LRIG2: variants seen among roughly 807,000 people sequenced by gnomAD.
The protein encoded by LRIG2 is leucine rich repeats and immunoglobulin like domains 2.
Under a neutral mutation model 107.8 loss-of-function variants are expected in LRIG2, and 93 were observed. That is an observed-to-expected ratio of 0.86 (90% confidence interval 0.73 to 1.03). The LOEUF (loss-of-function observed/expected upper bound fraction) is 1.03. Ranked by LOEUF, LRIG2 falls within the 50% of genes least tolerant of loss-of-function variation. The probability of loss-of-function intolerance (pLI) is 0.00; values close to 1 mark genes in which losing one functional copy is unlikely to be tolerated. For synonymous variants in LRIG2, 471 were observed against 470.6 expected (o/e 1.00, Z -0.01); for missense variants, 1,226 against 1,296.0 (o/e 0.95, Z 0.83).
Position 113,129,318 on chromosome 1 carries a change from A to AAAAAC in LRIG2, c.*5221_*5222insCAAAA, listed in dbSNP as rs1350556745. 1 of 151,174 alleles carries AAAAAC rather than the reference A, an allele frequency of 6.6e-6. No homozygotes were observed. Among genetic ancestry groups the AAAAAC allele is most frequent in the Non-Finnish European group, 1.5e-5 (1 of 67,920 alleles). The allele number at this position is 151,174 out of a possible 1,614,324, so 9.4% of individuals were successfully genotyped here. A position where few individuals can be genotyped will look rare whatever the true frequency, so the allele number is the denominator to read the frequency against. Reference sequence around the variant, plus strand: ...GAGTGAGACTCCGTCTCAAAAAAAAAAAAAAAAAAACCCGTGTAGGAGTAC... The same window carrying AAAAAC: ...GAGTGAGACTCCGTCTCAAAAAAAAAAAAACAAAAAAAAAACCCGTGTAGGAGTAC... On this transcript the variant is annotated 3_prime_UTR_variant, in exon 18 of 18. Transcript: ENST00000361127.
In LRIG2 at chr1:113,073,253, C is replaced by G. The variant is rs916477665; in HGVS notation, c.-154C>G. 7.4e-6 allele frequency: 5 copies of G among 675,342 alleles called. No homozygotes were observed. The highest frequency in any genetic ancestry group is 1.0e-5 in the Non-Finnish European group (4 of 385,788). 41.8% of individuals were successfully genotyped at this position (675,342 alleles called of 1,614,324 possible). ...CCAGGCCGTCGACCCCGCTGTCGCG[C>G]TGCGTCTGCTCCTTGCATGCCTTTA... is the stretch of plus-strand genomic sequence containing the variant. On this transcript the variant is annotated 5_prime_UTR_variant, in exon 1 of 18. Coordinates refer to ENST00000361127, the MANE Select transcript of LRIG2 (RefSeq NM_014813.3).
intron 1 of LRIG2, among the ~76,000 whole-genome samples, chr1:113,086,815 C>T (rs1653576678): frequency 6.6e-6 from 1 of 152,178 alleles, no homozygotes; most frequent in Admixed American, 6.6e-5. Flanking sequence ...ACATTGAGAT[C>T]AGGCCCTCTG....
Position 113,126,457 on chromosome 1 carries a change from T to C in LRIG2, c.*2356T>C, listed in dbSNP as rs763411901. 9.2e-5 allele frequency: 14 copies of C among 152,430 alleles called. No homozygotes were observed. The highest frequency in any genetic ancestry group is 1.8e-4 in the Non-Finnish European group (12 of 68,126). The allele number at this position is 152,430 out of a possible 1,614,324, so 9.4% of individuals were successfully genotyped here. ...TGGCCTTGCAAATGTTGACTCAGATTGTGGATTTTCCACTTTCCTCTGTTT... is the reference window on the plus strand; with the variant it reads ...TGGCCTTGCAAATGTTGACTCAGATCGTGGATTTTCCACTTTCCTCTGTTT... On this transcript the variant is annotated 3_prime_UTR_variant, in exon 18 of 18. Transcript: ENST00000361127.
intron 1 of LRIG2, among the ~76,000 whole-genome samples, chr1:113,083,081 G>A (rs780915648): frequency 2.0e-5 from 3 of 151,138 alleles, no homozygotes; most frequent in African/African-American, 4.9e-5. Flanking sequence ...GGCTAATTTT[G>A]TGTAGATTTT....
Position 113,094,465 on chromosome 1 carries a change from G to T in LRIG2, c.642G>T (p.Leu214=), listed in dbSNP as rs1653960627. Residue 214 remains leucine (L), a synonymous_variant, in exon 5 of 18, where the codon CTG becomes CTT. Coordinates refer to ENST00000361127, the MANE Select transcript of LRIG2 (RefSeq NM_014813.3). ...TGATTCCACCTAAGATCTTCAAGCT[G>T]CCTCACCTCCAATTCTTGTGAGTAA... The part of the protein sequence containing the change: ...MSMIPPKIFK[L]PHLQFLELKR... 12 of 1,610,188 alleles carry T rather than the reference G, an allele frequency of 7.5e-6. No homozygotes were observed. The highest frequency in any genetic ancestry group is 1.0e-5 in the Non-Finnish European group (12 of 1,179,242).
intron 11 of LRIG2, among the ~76,000 whole-genome samples, chr1:113,102,372 G>T (rs1393490250): frequency 6.6e-6 from 1 of 151,736 alleles, no homozygotes; most frequent in East Asian, 1.9e-4. Context: ...GGGTTCAAGT[G>T]ATTCTCCTGC....
At chr1:113,088,184 C>A (rs576611929) in intron 1 of LRIG2, among the ~76,000 whole-genome samples, 1 of 152,212 alleles carries the variant, frequency 6.6e-6, no homozygotes, top group South Asian at 2.1e-4. Flanking sequence ...TCCAGAGAGC[C>A]TCATTATATG....
chr1:113,073,884 CTG>C (rs1652830091), intron 1 of LRIG2, among the ~76,000 whole-genome samples: 1 of 150,024 alleles, frequency 6.7e-6, no homozygotes, highest in South Asian at 2.1e-4. Flanking sequence ...GCCAAGGAGT[CTG>C]TGATTTCCTC....
chr1:113,125,769 A>G lies in LRIG2; in HGVS notation c.*1668A>G, dbSNP rs1371180297. The G allele has an allele frequency of 1.3e-5, 2 of 152,186 alleles. No homozygotes were observed. The highest frequency in any genetic ancestry group is 2.9e-5 in the Non-Finnish European group (2 of 68,034). The allele number at this position is 152,186 out of a possible 1,614,324, so 9.4% of individuals were successfully genotyped here. On this transcript the variant is annotated 3_prime_UTR_variant, in exon 18 of 18. Coordinates refer to ENST00000361127, the MANE Select transcript of LRIG2 (RefSeq NM_014813.3). ...TCACTGTCCATATTTGAGTCTGCAA[A>G]TCTTGTCATTGTCTGCTTTAATGCT...
chr1:113,119,810 CTATT>C (rs141140694), intron 17 of LRIG2, among the ~76,000 whole-genome samples: 73 of 152,086 alleles, frequency 4.8e-4, no homozygotes, highest in African/African-American at 1.7e-3. Flanking sequence ...TTCATACAGG[CTATT>C]TATTTATTTA....
chr1:113,122,559 AGAAG>A (rs1049573278), intron 17 of LRIG2, among the ~76,000 whole-genome samples: 14 of 152,386 alleles, frequency 9.2e-5, no homozygotes, highest in African/African-American at 3.1e-4. Flanking sequence ...AAAGGGTTTA[AGAAG>A]GACCAGAAAT....
In LRIG2 at chr1:113,129,328, A is replaced by AAAAAAC. The variant is rs57453736; in HGVS notation, c.*5227_*5228insAAAAAC. ...CCGTCTCAAAAAAAAAAAAAAAAAA[A>AAAAAAC]CCCGTGTAGGAGTACTGCCTCTCTG... On this transcript the variant is annotated 3_prime_UTR_variant, in exon 18 of 18. Coordinates refer to ENST00000361127, the MANE Select transcript of LRIG2 (RefSeq NM_014813.3). 6 of 149,546 alleles carry AAAAAAC rather than the reference A, an allele frequency of 4.0e-5. No homozygotes were observed. The highest frequency in any genetic ancestry group is 1.5e-4 in the African/African-American group (6 of 40,668). 9.3% of individuals were successfully genotyped at this position (149,546 alleles called of 1,614,324 possible).
chr1:113,073,789 C>T (rs1448911384), intron 1 of LRIG2, 144 bp downstream of exon 1: 4 of 782,978 alleles, frequency 5.1e-6, no homozygotes, highest in Non-Finnish European at 8.0e-6. Flanking sequence ...ATTTTATGAA[C>T]TTTGTTTTAG....
chr1:113,123,727 TTGTGTGTGTGTG>T (rs66524955), intron 17 of LRIG2, 136 bp from the exon 18 acceptor site: 2 of 596,546 alleles, frequency 3.4e-6, no homozygotes, highest in Non-Finnish European at 2.9e-6. Context: ...GTGGTGGTTT[TTGTGTGTGTGTG>T]TGTGTGTGTG....
chr1:113,123,723 G>GT (rs139220276), intron 17 of LRIG2, 152 bp from the exon 18 acceptor site: 432 of 550,344 alleles, frequency 7.8e-4, no homozygotes, highest in East Asian at 1.6e-3. Flanking sequence ...TCTGGTGGTG[G>GT]TTTTTGTGTG....
intron 8 of LRIG2, among the ~76,000 whole-genome samples, chr1:113,096,902 A>G (rs1365046330): frequency 1.3e-5 from 2 of 152,170 alleles, no homozygotes; most frequent in African/African-American, 2.4e-5. Flanking sequence ...AGAGAAATTT[A>G]AATAATTTTC....
intron 1 of LRIG2, among the ~76,000 whole-genome samples, chr1:113,081,223 G>A (rs1428503416): frequency 2.0e-5 from 3 of 152,088 alleles, no homozygotes; most frequent in South Asian, 4.1e-4. Flanking sequence ...TCGGAAAAAC[G>A]TATCCACAAG....
Position 113,120,911 on chromosome 1 carries a change from C to T in LRIG2, c.2971+1388C>T, listed in dbSNP as rs543000185. ...TCAACTCACTGCAACCTCTGCCTCC[C>T]AGGTTCAAGCGATTTTCCTGCCTCA... On this transcript the variant is annotated intron_variant, in intron 17 of 17. Coordinates refer to ENST00000361127, the MANE Select transcript of LRIG2 (RefSeq NM_014813.3). Among the ~76,000 whole-genome samples, 5 of 151,720 alleles carry T rather than the reference C, an allele frequency of 3.3e-5. No homozygotes were observed. The South Asian group carries it at 1.0e-3, about 32-fold the overall frequency.
chr1:113,124,341 G>A lies in LRIG2; in HGVS notation c.*240G>A, dbSNP rs1204599351. The A allele has an allele frequency of 2.0e-5, 11 of 547,892 alleles. No homozygotes were observed. The highest frequency in any genetic ancestry group is 1.0e-4 in the South Asian group (5 of 48,242). The allele number at this position is 547,892 out of a possible 1,614,324, so 33.9% of individuals were successfully genotyped here. On this transcript the variant is annotated 3_prime_UTR_variant, in exon 18 of 18. Coordinates refer to ENST00000361127, the MANE Select transcript of LRIG2 (RefSeq NM_014813.3). Reference sequence around the variant, plus strand: ...TGCAGCACCGGCAGAGGGAAGATACGGGGCAAATGTGCTTCCTGATGCTTC... The same window carrying A: ...TGCAGCACCGGCAGAGGGAAGATACAGGGCAAATGTGCTTCCTGATGCTTC...
Sources: allele counts gnomAD v4.1 joint callset (sites outside exome capture counted in the v4.1 genomes callset), GRCh38; gene constraint gnomAD v4.1.1; transcripts MANE v1.5; gene names NCBI Gene and HGNC (gene_info 2026-07-23, HGNC 2026-07-21).